TJP1: variants seen among roughly 807,000 people sequenced by gnomAD.
TJP1 encodes tight junction protein ZO-1.
TJP1 carries 43 observed loss-of-function variants against 194.2 expected under a neutral mutation model. The observed-to-expected ratio is 0.22, with a 90% confidence interval of 0.17 to 0.29. The LOEUF is 0.29. TJP1 is among the 10% of genes least tolerant of loss of function. The pLI is 1.00. For missense variants in TJP1, 1,971 were observed against 2,185.7 expected, an observed-to-expected ratio of 0.90 and a Z score of 1.96; for synonymous variants, 801 against 779.0, an observed-to-expected ratio of 1.03 and a Z score of -0.47.
chr15:29,777,139 G>T (rs1322324712), intron 2 of TJP1, among the ~76,000 whole-genome samples: 1 of 152,094 alleles, frequency 6.6e-6, no homozygotes, highest in African/African-American at 2.4e-5. Context: ...TACTGAAAAC[G>T]TGTGTATTCA....
intron 23 of TJP1, among the ~76,000 whole-genome samples, chr15:29,711,815 G>C (rs1214033015): frequency 6.6e-6 from 1 of 152,262 alleles, no homozygotes; most frequent in East Asian, 1.9e-4. Flanking sequence ...GTCTTTGTTA[G>C]AACTATTCAA....
At chr15:29,943,707 G>C (rs1200726862) in intron 2 of TJP1, among the ~76,000 whole-genome samples, 1 of 150,386 alleles carries the variant, frequency 6.6e-6, no homozygotes. Context: ...CTAGCACTTT[G>C]GGAGGCCAAG....
intron 1 of TJP1, among the ~76,000 whole-genome samples, chr15:29,966,970 A>T (rs1411093629): frequency 1.3e-5 from 2 of 151,722 alleles, no homozygotes; most frequent in Non-Finnish European, 1.5e-5. Flanking sequence ...ACTGTGGCTA[A>T]CCTTGTCTTC....
intron 2 of TJP1, among the ~76,000 whole-genome samples, chr15:29,949,505 ACCACC>A (rs2055493363): frequency 1.1e-5 from 1 of 90,322 alleles, no homozygotes; most frequent in Non-Finnish European, 2.2e-5. Context: ...CTCCACAACC[ACCACC>A]TCCACCTCCA....
At chr15:29,704,061 A>ATAGAGATTTGCTAACACAC in intron 27 of TJP1, 101 bp downstream of exon 27, 1 of 1,283,546 alleles carries the variant, frequency 7.8e-7, no homozygotes, top group Non-Finnish European at 1.1e-6. Flanking sequence ...AGGAACAGAG[A>ATAGAGATTTGCTAACACAC]TAGAGATTTG....
intron 26 of TJP1, 83 bp downstream of exon 26, chr15:29,705,445 T>G: frequency 7.2e-7 from 1 of 1,380,872 alleles, no homozygotes; most frequent in Non-Finnish European, 1.0e-6. Flanking sequence ...TGCTGCATTA[T>G]TAGCCAAGCA....
intron 2 of TJP1, among the ~76,000 whole-genome samples, chr15:29,788,558 T>C (rs570717593): frequency 9.2e-5 from 14 of 152,142 alleles, no homozygotes; most frequent in Non-Finnish European, 1.3e-4. Context: ...TGTTAATGAC[T>C]GTTCTTCCCT....
Position 29,705,593 on chromosome 15 carries a change from T to C in TJP1, c.5003A>G (p.Glu1668Gly), listed in dbSNP as rs1423181375. The C allele has an allele frequency of 6.2e-7, 1 of 1,614,106 alleles. No individual in the cohort carries two copies. Among genetic ancestry groups the C allele is most frequent in the African/African-American group, 1.3e-5 (1 of 74,944 alleles). ...GCAGACCTTGAAATAGATTTCCTGC[T>C]CAACTCCTTCGGGAATGGCTCCTTG... ...IPQGAIPEGV[E>G]QEIYFKVCRD... Residue 1668 changes from glutamate (E) to glycine (G), a missense_variant, in exon 26 of 28, where the codon GAG becomes GGG. By Grantham distance (98) the Glu-to-Gly change is moderately conservative (BLOSUM62 -2). Transcript: ENST00000614355.
chr15:29,949,179 CCATCACCTCCACCACCAG>C (rs2055410289), intron 2 of TJP1, among the ~76,000 whole-genome samples: 1 of 148,692 alleles, frequency 6.7e-6, no homozygotes, highest in African/African-American at 2.5e-5. Flanking sequence ...ACCACCACCT[CCATCACCTCCACCACCAG>C]CACCTCCACC....
Position 29,864,234 on chromosome 15 carries a change from A to G in TJP1, c.307-63532T>C, listed in dbSNP as rs544753235. Among the ~76,000 whole-genome samples the G allele has an allele frequency of 1.3e-3, 172 of 135,406 alleles. 1 individual carries two copies. Among genetic ancestry groups the G allele is most frequent in the African/African-American group, 4.7e-3 (163 of 34,332 alleles). The allele number at this position is 135,406 out of a possible 152,430, so 88.8% of individuals were successfully genotyped here. ...TAGTGAAACCCCGTCTCTACTAAAAATACAAAAAAAAAAAAAAAAAAAAAA... is the reference window on the plus strand; with the variant it reads ...TAGTGAAACCCCGTCTCTACTAAAAGTACAAAAAAAAAAAAAAAAAAAAAA... On this transcript the variant is annotated intron_variant, in intron 2 of 28. Coordinates refer to the TJP1 transcript ENST00000356107.
At chr15:29,877,675 T>A (rs2052759318) in intron 2 of TJP1, among the ~76,000 whole-genome samples, 2 of 151,590 alleles carry the variant, frequency 1.3e-5, no homozygotes, top group Non-Finnish European at 2.9e-5. Flanking sequence ...TTTCTTTTTT[T>A]TTTGAGAGAG....
intron 1 of TJP1, among the ~76,000 whole-genome samples, chr15:29,818,672 T>A (rs1490227887): frequency 7.0e-4 from 1 of 1,422 alleles, no homozygotes; most frequent in Non-Finnish European, 3.0e-3. Context: ...GCCCGGCTAT[T>A]TTTTTTTTTT....
chr15:29,887,502 C>A (rs539305058), intron 2 of TJP1, among the ~76,000 whole-genome samples: 1 of 151,630 alleles, frequency 6.6e-6, no homozygotes, highest in Non-Finnish European at 1.5e-5. Context: ...GGTTTCACCA[C>A]GTTAGCCAGG....
At chr15:29,791,909 CAT>C (rs753776596) in intron 2 of TJP1, among the ~76,000 whole-genome samples, 1 of 152,168 alleles carries the variant, frequency 6.6e-6, no homozygotes, top group Non-Finnish European at 1.5e-5. Flanking sequence ...ACCATTTACC[CAT>C]ATGTCTTCCT....
chr15:29,865,541 T>C (rs2052272378), intron 2 of TJP1, among the ~76,000 whole-genome samples: 1 of 152,220 alleles, frequency 6.6e-6, no homozygotes, highest in South Asian at 2.1e-4. Context: ...AAGTGCATTT[T>C]TGATTTGTAA....
intron 2 of TJP1, among the ~76,000 whole-genome samples, chr15:29,839,263 G>T (rs1424185103): frequency 6.6e-6 from 1 of 152,034 alleles, no homozygotes; most frequent in African/African-American, 2.4e-5. Flanking sequence ...CTTCCAAAGT[G>T]CTGGGATTAC....
intron 2 of TJP1, among the ~76,000 whole-genome samples, chr15:29,935,250 A>G (rs2054846255): frequency 6.6e-6 from 1 of 152,172 alleles, no homozygotes; most frequent in Non-Finnish European, 1.5e-5. Flanking sequence ...AGCGTTCCTT[A>G]TTCTCAAAAT....
intron 2 of TJP1, among the ~76,000 whole-genome samples, chr15:29,896,975 GA>G (rs971618541): frequency 5.9e-5 from 9 of 151,400 alleles, no homozygotes; most frequent in African/African-American, 9.7e-5. Flanking sequence ...CAATGCAATA[GA>G]AAAAAAAATC....
At chr15:29,903,714 G>T (rs2053710607) in intron 2 of TJP1, among the ~76,000 whole-genome samples, 1 of 152,220 alleles carries the variant, frequency 6.6e-6, no homozygotes, top group South Asian at 2.1e-4. Context: ...AAAGTGCTGG[G>T]ATTACAGGCG....
Sources: allele counts gnomAD v4.1 joint callset (sites outside exome capture counted in the v4.1 genomes callset), GRCh38; gene constraint gnomAD v4.1.1; transcripts MANE v1.5; gene names NCBI Gene and HGNC (gene_info 2026-07-23, HGNC 2026-07-21).